WWOX: variants seen among roughly 807,000 people sequenced by gnomAD.
WWOX encodes WW domain containing oxidoreductase.
In WWOX, 69 loss-of-function variants were observed where a neutral mutation model predicts 46.2. That is an observed-to-expected ratio of 1.49 (90% CI 1.23 to 1.82). The LOEUF is 1.82. Among genes scored for constraint, WWOX ranks in the 40% most tolerant of loss-of-function variants. WWOX has a pLI of 0.00. For missense variants in WWOX, 919 were observed against 542.6 expected (o/e 1.69, Z -6.89); for synonymous variants, 359 against 202.6 (o/e 1.77, Z -6.56).
At chr16:78,646,677 C>G (rs1360489343) in intron 8 of WWOX, among the ~76,000 whole-genome samples, 1 of 152,210 alleles carries the variant, frequency 6.6e-6, no homozygotes, top group African/African-American at 2.4e-5. Context: ...ATCCGCCCTA[C>G]TGGGCCTCCC....
At chr16:78,802,924 AAAAAAAAAAAAAAAAAAACAAC>A (rs1385427715) in intron 8 of WWOX, among the ~76,000 whole-genome samples, 2 of 106,488 alleles carry the variant, frequency 1.9e-5, no homozygotes, top group South Asian at 3.9e-4. Flanking sequence ...TGAAAAAAAA[AAAAAAAAAAAAAAAAAAACAAC>A]AAACAGAAAA....
chr16:79,089,826 G>A (rs148757664), intron 8 of WWOX, among the ~76,000 whole-genome samples: 17 of 152,078 alleles, frequency 1.1e-4, no homozygotes, highest in Admixed American at 5.2e-4. Context: ...TTCATTCCTC[G>A]GAGTTCTGAT....
At chr16:78,117,000 G>C (rs1168220512) in intron 4 of WWOX, among the ~76,000 whole-genome samples, 7 of 152,208 alleles carry the variant, frequency 4.6e-5, no homozygotes, top group Admixed American at 4.6e-4. Flanking sequence ...GATAGAGTTG[G>C]TTCAGAATAT....
chr16:78,807,255 A>C (rs903103993), intron 8 of WWOX, among the ~76,000 whole-genome samples: 3 of 152,222 alleles, frequency 2.0e-5, no homozygotes, highest in African/African-American at 7.2e-5. Flanking sequence ...TGGCCAGTGA[A>C]GGTCAGGCAG....
chr16:78,842,922 A>T (rs1354932276), intron 8 of WWOX, among the ~76,000 whole-genome samples: 1 of 150,118 alleles, frequency 6.7e-6, no homozygotes, highest in African/African-American at 2.4e-5. Context: ...AGAAAAAAGA[A>T]AGAAATATGG....
chr16:78,503,990 C>A lies in WWOX; in HGVS notation c.1056+71238C>A, dbSNP rs1428489870. Among the ~76,000 whole-genome samples, 3 of 151,646 alleles carry A rather than the reference C, an allele frequency of 2.0e-5. No homozygotes were observed. The South Asian group carries it at 6.2e-4, about 32-fold the overall frequency. On this transcript the variant is annotated intron_variant, in intron 8 of 8. Coordinates refer to ENST00000566780, the MANE Select transcript of WWOX (RefSeq NM_016373.4). ...GCTGCAAGTTATGTTTTTTTTATTC[C>A]CTGGGTGTGATGAAATAAATAACAT...
chr16:78,457,532 A>T (rs1476587341), intron 8 of WWOX, among the ~76,000 whole-genome samples: 2 of 152,092 alleles, frequency 1.3e-5, no homozygotes, highest in Admixed American at 6.5e-5. Flanking sequence ...CCCAAATGCT[A>T]AGCTTTATTT....
intron 8 of WWOX, among the ~76,000 whole-genome samples, chr16:78,893,790 C>G (rs1433008187): frequency 6.6e-6 from 1 of 152,132 alleles, no homozygotes; most frequent in Non-Finnish European, 1.5e-5. Flanking sequence ...GCCCCTCTCA[C>G]CTTCATCGAT....
At chr16:78,944,762 C>T (rs2045918021) in intron 8 of WWOX, among the ~76,000 whole-genome samples, 1 of 152,172 alleles carries the variant, frequency 6.6e-6, no homozygotes, top group African/African-American at 2.4e-5. Context: ...ATCCTTAGCC[C>T]ATCTAAGTAA....
chr16:79,045,849 T>A (rs1236939526), intron 8 of WWOX, among the ~76,000 whole-genome samples: 1 of 124,322 alleles, frequency 8.0e-6, no homozygotes, highest in Non-Finnish European at 1.6e-5. Flanking sequence ...TTGCCCAGGC[T>A]GGAGTGCAGT....
At chr16:78,678,917 C>T (rs2047665205) in intron 8 of WWOX, among the ~76,000 whole-genome samples, 1 of 152,160 alleles carries the variant, frequency 6.6e-6, no homozygotes, top group Non-Finnish European at 1.5e-5. Flanking sequence ...CAGGCTGGCA[C>T]CGCACACTTT....
intron 8 of WWOX, among the ~76,000 whole-genome samples, chr16:78,681,420 G>A (rs916876564): frequency 6.6e-6 from 1 of 151,778 alleles, no homozygotes; most frequent in African/African-American, 2.4e-5. Flanking sequence ...CCAAAACAAA[G>A]GTCAATTTTT....
chr16:78,198,128 C>G (rs35438852), intron 5 of WWOX, among the ~76,000 whole-genome samples: 21,222 of 152,064 alleles, frequency 0.14, 1,791 homozygotes, highest in Non-Finnish European at 0.19. Flanking sequence ...CTCCAGGTCT[C>G]CAGTCTGAGG....
chr16:78,664,746 G>C (rs1363005596), intron 8 of WWOX, among the ~76,000 whole-genome samples: 1 of 152,136 alleles, frequency 6.6e-6, no homozygotes, highest in Admixed American at 6.5e-5. Context: ...GGCTCCTTGA[G>C]GCTCAATTAT....
chr16:79,002,731 A>T (rs941323407), intron 8 of WWOX, among the ~76,000 whole-genome samples: 1 of 152,198 alleles, frequency 6.6e-6, no homozygotes, highest in South Asian at 2.1e-4. Flanking sequence ...GTGAAAACTG[A>T]CACTTAGTTT....
At chr16:79,014,679 G>A (rs1049545395) in intron 8 of WWOX, among the ~76,000 whole-genome samples, 4 of 152,094 alleles carry the variant, frequency 2.6e-5, no homozygotes, top group Non-Finnish European at 4.4e-5. Flanking sequence ...GGGACATTTC[G>A]GCCCTGATTT....
rs945151534 is a variant in WWOX, at chr16:78,528,368, A to G, written c.1056+95616A>G. The stretch of plus-strand genomic sequence containing the variant: ...TAGTCCAACCTCCTGTACTATGAGT[A>G]ATTAGCAAAGAATTAACAGCAGAAG... On this transcript the variant is annotated intron_variant, in intron 8 of 8. Transcript: ENST00000566780. 2.0e-5 allele frequency among the ~76,000 whole-genome samples: 3 copies of G among 151,554 alleles called. No homozygotes were observed. In the East Asian group the frequency reaches 5.9e-4, roughly 30 times the overall value.
intron 8 of WWOX, among the ~76,000 whole-genome samples, chr16:78,673,174 C>T (rs576996408): frequency 7.9e-5 from 12 of 152,134 alleles, no homozygotes; most frequent in South Asian, 4.1e-4. Flanking sequence ...CGGGAGGCTG[C>T]GGCCCTGTGA....
In WWOX at chr16:78,099,752, G is replaced by C. The variant is rs570978891; in HGVS notation, c.-27G>C. 75 of 1,524,082 alleles carry C rather than the reference G, an allele frequency of 4.9e-5. No homozygotes were observed. Among genetic ancestry groups the C allele is most frequent in the African/African-American group, 2.5e-4 (18 of 71,034 alleles). The allele number at this position is 1,524,082 out of a possible 1,614,324, so 94.4% of individuals were successfully genotyped here. A position where few individuals can be genotyped will look rare whatever the true frequency, so the allele number is the denominator to read the frequency against. On this transcript the variant is annotated 5_prime_UTR_variant, in exon 1 of 9. Transcript: ENST00000566780. ...GAGTGGACCCGGCAGCGGGCGATAG[G>C]GGGGCCAGGTGCCTCCACAGTCAGC...
Sources: gnomAD v4.1 joint callset for allele counts (sites outside exome capture counted in the v4.1 genomes callset) on GRCh38, gnomAD v4.1.1 for gene constraint, MANE v1.5 for transcripts, NCBI Gene and HGNC (gene_info 2026-07-23, HGNC 2026-07-21) for gene names.